CHRNB3: variants seen among roughly 807,000 people sequenced by gnomAD.
The protein encoded by CHRNB3 is cholinergic receptor nicotinic beta 3 subunit, also known as neuronal acetylcholine receptor subunit beta-3.
Under a neutral mutation model 40.6 loss-of-function variants are expected in CHRNB3, and 37 were observed. That is an observed-to-expected ratio of 0.91 (90% CI 0.70 to 1.20). The LOEUF (loss-of-function observed/expected upper bound fraction) is 1.20. Ranked by LOEUF, CHRNB3 falls within the 50% of genes most tolerant of loss-of-function variation. The probability of loss-of-function intolerance (pLI) is 0.00; values close to 1 mark genes in which losing one functional copy is unlikely to be tolerated. For synonymous variants in CHRNB3, 207 were observed against 207.1 expected, an observed-to-expected ratio of 1.00 and a Z score of 0.00; for missense variants, 505 against 551.2, an observed-to-expected ratio of 0.92 and a Z score of 0.84.
chr8:42,730,843 T>C (rs1463635978), intron 4 of CHRNB3, 140 bp downstream of exon 4: 1 of 436,180 alleles, frequency 2.3e-6, no homozygotes, highest in African/African-American at 2.1e-5. Flanking sequence ...GGTCAGGAGA[T>C]CGAGACCATC....
chr8:42,726,480 C>CTT (rs60852168), intron 3 of CHRNB3, among the ~76,000 whole-genome samples: 12 of 133,378 alleles, frequency 9.0e-5, no homozygotes, highest in South Asian at 2.4e-4. Context: ...AATTAAATGA[C>CTT]TTTTTTTTTT....
At chr8:42,736,161 CT>C (rs762272255) in intron 5 of CHRNB3, among the ~76,000 whole-genome samples, 75 of 152,320 alleles carry the variant, frequency 4.9e-4, no homozygotes, top group Non-Finnish European at 1.0e-3. Context: ...GCCACCGCAC[CT>C]GGCCTATAGT....
At chr8:42,717,132 G>A (rs1816124043) in intron 3 of CHRNB3, among the ~76,000 whole-genome samples, 1 of 134,720 alleles carries the variant, frequency 7.4e-6, no homozygotes, top group African/African-American at 3.0e-5. Context: ...CCAGCACTTT[G>A]GGAGGCCGAG....
At chr8:42,730,452 A>G in intron 3 of CHRNB3, 142 bp from the exon 4 acceptor site, 3 of 528,732 alleles carry the variant, frequency 5.7e-6, no homozygotes, top group East Asian at 3.1e-5. Context: ...CTGAGTCCCC[A>G]GTAGGGTCAC....
Position 42,725,789 on chromosome 8 carries a change from C to T in CHRNB3, c.250-4805C>T. The T allele has an allele frequency of 5.6e-6, 5 of 886,874 alleles. No individual in the cohort carries two copies. The South Asian group carries it at 6.5e-5, about 12-fold the overall frequency. The allele number at this position is 886,874 out of a possible 1,614,324, so 54.9% of individuals were successfully genotyped here. On this transcript the variant is annotated intron_variant, in intron 3 of 5. Transcript: ENST00000289957. ...CCACGTTTCAAAATGAGTTCCCAGA[C>T]AGACTTCAGATTTGGAAATCCCTAG...
At chr8:42,710,231 T>C (rs1055948117) in intron 2 of CHRNB3, among the ~76,000 whole-genome samples, 159 bp from the exon 3 acceptor site, 10 of 152,140 alleles carry the variant, frequency 6.6e-5, no homozygotes, top group Admixed American at 2.0e-4. Context: ...GGTGTGAGAA[T>C]GGCTTGAGCC....
chr8:42,697,436 G>T lies in CHRNB3; in HGVS notation c.-111G>T. The T allele has an allele frequency of 1.2e-6, 1 of 866,502 alleles. No homozygotes were observed. 53.7% of individuals were successfully genotyped at this position (866,502 alleles called of 1,614,324 possible). ...ACTCCAGGTGTTGCTGTCCTCTTGG[G>T]TTCCACTTCGGATTTTGAACCCCTG... On this transcript the variant is annotated 5_prime_UTR_variant, in exon 1 of 6. Transcript: ENST00000289957.
chr8:42,733,553 T>G (rs143064810), intron 5 of CHRNB3, among the ~76,000 whole-genome samples: 25 of 151,676 alleles, frequency 1.6e-4, no homozygotes, highest in African/African-American at 5.6e-4. Flanking sequence ...TCAACAAGTG[T>G]GAATTCTCGC....
At chr8:42,710,141 ATAGATTTTTCTG>A (rs1563608669) in intron 2 of CHRNB3, among the ~76,000 whole-genome samples, 2 of 152,172 alleles carry the variant, frequency 1.3e-5, no homozygotes, top group African/African-American at 4.8e-5. Flanking sequence ...TAAGATTCAG[ATAGATTTTTCTG>A]ATCGAAACCA....
intron 3 of CHRNB3, among the ~76,000 whole-genome samples, chr8:42,721,301 G>C (rs1816214147): frequency 6.6e-6 from 1 of 152,138 alleles, no homozygotes; most frequent in Non-Finnish European, 1.5e-5. Flanking sequence ...TTCATGCTGG[G>C]CCCCTGCTAT....
chr8:42,703,505 G>A (rs187995661), intron 1 of CHRNB3, among the ~76,000 whole-genome samples: 12 of 141,630 alleles, frequency 8.5e-5, no homozygotes, highest in African/African-American at 3.0e-4. Flanking sequence ...AAAAATTCTT[G>A]GTTTTTCAAT....
In CHRNB3 at chr8:42,731,834, A is replaced by C; in HGVS notation, c.527A>C (p.Tyr176Ser). The C allele has an allele frequency of 6.2e-7, 1 of 1,614,112 alleles. No homozygotes were observed. The highest frequency in any genetic ancestry group is 8.5e-7 in the Non-Finnish European group (1 of 1,180,030). ...NCSMKFGSWT[Y>S]DGTMVDLILI... Reference sequence around the variant, plus strand: ...TCCATGAAGTTTGGATCCTGGACTTATGATGGCACCATGGTTGACCTCATT... The same window carrying C: ...TCCATGAAGTTTGGATCCTGGACTTCTGATGGCACCATGGTTGACCTCATT... Residue 176 changes from tyrosine to serine, a missense_variant, in exon 5 of 6, where the codon TAT becomes TCT. Transcript: ENST00000289957.
chr8:42,729,495 T>C (rs1816366359), intron 3 of CHRNB3, among the ~76,000 whole-genome samples: 1 of 152,164 alleles, frequency 6.6e-6, no homozygotes, highest in Admixed American at 6.5e-5. Context: ...TCTTAAACTT[T>C]GTTTTTTGGG....
intron 1 of CHRNB3, among the ~76,000 whole-genome samples, chr8:42,700,118 A>C (rs1815759819): frequency 1.3e-5 from 2 of 149,142 alleles, no homozygotes; most frequent in South Asian, 4.2e-4. Flanking sequence ...GGTTCACGCC[A>C]TTCTCCTACC....
rs769371275 is a variant in CHRNB3 at position 42,734,259 on chromosome 8, CAAAAAA to C, written c.1242+1729_1242+1734del. On this transcript the variant is annotated intron_variant, in intron 5 of 5. Coordinates refer to ENST00000289957, the MANE Select transcript of CHRNB3 (RefSeq NM_000749.5). ...CTGGCGACAGAGCGAGACTCCATCT[CAAAAAA>C]AAAAAAAAAAAAAAAAAAGTGATCT... 7.1e-4 allele frequency among the ~76,000 whole-genome samples: 17 copies of C among 23,982 alleles called. No homozygotes were observed. The South Asian group carries it at 7.1e-3, about 10-fold the overall frequency. The allele number at this position is 23,982 out of a possible 152,430, so 15.7% of individuals were successfully genotyped here.
At chr8:42,708,420 C>T (rs1390325098) in intron 1 of CHRNB3, among the ~76,000 whole-genome samples, 2 of 151,742 alleles carry the variant, frequency 1.3e-5, no homozygotes, top group African/African-American at 2.4e-5. Context: ...GAGCCGAGAT[C>T]GCGCCAATGC....
At chr8:42,729,575 C>T (rs562959278) in intron 3 of CHRNB3, among the ~76,000 whole-genome samples, 76 of 152,130 alleles carry the variant, frequency 5.0e-4, no homozygotes, top group Non-Finnish European at 8.7e-4. Flanking sequence ...CATCATTTGT[C>T]AGGCATCATG....
In CHRNB3 at chr8:42,703,194, C is replaced by T. The variant is rs1159321204; in HGVS notation, c.53-5523C>T. 4.0e-5 allele frequency among the ~76,000 whole-genome samples: 6 copies of T among 151,792 alleles called. No individual in the cohort carries two copies. The East Asian group carries it at 5.8e-4, about 15-fold the overall frequency. On this transcript the variant is annotated intron_variant, in intron 1 of 5. Coordinates refer to ENST00000289957, the MANE Select transcript of CHRNB3 (RefSeq NM_000749.5). ...ATCCCAGCACTTTGGGAGGCCAAGG[C>T]GGGCAGATCACTTGAGGTCGGGAGT...
At chr8:42,719,196 C>G (rs1290957344) in intron 3 of CHRNB3, among the ~76,000 whole-genome samples, 3 of 152,162 alleles carry the variant, frequency 2.0e-5, no homozygotes, top group African/African-American at 7.2e-5. Context: ...CTCGCAGCCC[C>G]TTAGAGAACG....
Sources: allele counts gnomAD v4.1 joint callset (sites outside exome capture counted in the v4.1 genomes callset), GRCh38; gene constraint gnomAD v4.1.1; transcripts MANE v1.5; gene names NCBI Gene and HGNC (gene_info 2026-07-23, HGNC 2026-07-21).